The following DPP8 variants were observed in gnomAD, a reference collection of about 807,000 sequenced individuals.
DPP8 encodes the protein dipeptidyl peptidase 8.
Under a neutral mutation model 107.5 loss-of-function variants are expected in DPP8, and 31 were observed. The ratio of observed to expected loss-of-function variants is 0.29; its 90% confidence interval spans 0.22 to 0.39. The LOEUF (loss-of-function observed/expected upper bound fraction) is 0.39. Among genes scored for constraint, DPP8 ranks in the 10% least tolerant of loss-of-function variants. The probability of loss-of-function intolerance (pLI) is 1.00; values close to 1 mark genes in which losing one functional copy is unlikely to be tolerated. For synonymous variants in DPP8, 381 were observed against 356.6 expected, an observed-to-expected ratio of 1.07 and a Z score of -0.77; for missense variants, 842 against 1,076.1, an observed-to-expected ratio of 0.78 and a Z score of 3.04.
At chr15:65,512,014 T>C in intron 2 of DPP8, 1 of 561,776 alleles carries the variant, frequency 1.8e-6, no homozygotes, top group South Asian at 1.6e-5. Flanking sequence ...AATCAGACCA[T>C]CTAAAGAAAG....
chr15:65,504,379 A>C (rs578173499), intron 3 of DPP8, among the ~76,000 whole-genome samples: 1 of 149,080 alleles, frequency 6.7e-6, no homozygotes, highest in East Asian at 2.0e-4. Flanking sequence ...AAAAAAAAAA[A>C]ATTGTGGTAG....
intron 10 of DPP8, among the ~76,000 whole-genome samples, chr15:65,479,911 A>G (rs1454938619): frequency 6.6e-6 from 1 of 152,048 alleles, no homozygotes; most frequent in African/African-American, 2.4e-5. Context: ...ACCAACATAA[A>G]AGAGAAAGTC....
At chr15:65,485,064 T>C in intron 8 of DPP8, 35 bp downstream of exon 8, 3 of 1,533,782 alleles carry the variant, frequency 2.0e-6, no homozygotes, top group Non-Finnish European at 1.8e-6. Context: ...ATTAGTCAAA[T>C]GACGCAGAAG....
intron 5 of DPP8, among the ~76,000 whole-genome samples, chr15:65,494,738 G>A (rs1311838773): frequency 6.6e-6 from 1 of 151,314 alleles, no homozygotes; most frequent in African/African-American, 2.4e-5. Context: ...GCCATTGGTA[G>A]TAGAACAGCT....
rs1300118571 is a variant in DPP8 at position 65,477,134 on chromosome 15, T to C, written c.1456+1746A>G. Among the ~76,000 whole-genome samples the C allele has an allele frequency of 4.6e-5, 7 of 152,226 alleles. No homozygotes were observed. The Middle Eastern group carries it at 0.01, about 222-fold the overall frequency. On this transcript the variant is annotated intron_variant, in intron 11 of 19. Coordinates refer to ENST00000300141, the MANE Select transcript of DPP8 (RefSeq NM_130434.5). ...TGATGATTGCACAACAACATGAACATAATCAGCCGGGTGAGATGGCTCACG... is the reference window on the plus strand; with the variant it reads ...TGATGATTGCACAACAACATGAACACAATCAGCCGGGTGAGATGGCTCACG...
At chr15:65,487,074 G>A (rs940238182) in intron 7 of DPP8, among the ~76,000 whole-genome samples, 2 of 152,022 alleles carry the variant, frequency 1.3e-5, no homozygotes, top group Admixed American at 6.6e-5. Flanking sequence ...TTGAAATGCT[G>A]TAAGAAGCAA....
In DPP8 at chr15:65,474,300, T is replaced by C. The variant is rs2066186020; in HGVS notation, c.1457-12A>G. 1.3e-6 allele frequency: 2 copies of C among 1,543,006 alleles called. No individual in the cohort carries two copies. Among genetic ancestry groups the C allele is most frequent in the Non-Finnish European group, 1.8e-6 (2 of 1,115,630 alleles). ...ACACTTGAAATCACCTGAAGATAAA[T>C]ATAATTATAATTCAGTACATTATAC... On this transcript the variant is annotated splice_polypyrimidine_tract_variant and intron_variant, in intron 11 of 19. Transcript: ENST00000300141.
At chr15:65,451,903 T>TG in intron 18 of DPP8, 57 bp downstream of exon 18, 1 of 1,478,670 alleles carries the variant, frequency 6.8e-7, no homozygotes, top group African/African-American at 1.5e-5. Flanking sequence ...CCAGCCTAAG[T>TG]GACAGAGTGA....
chr15:65,473,892 AG>A (rs2066139656), intron 12 of DPP8, among the ~76,000 whole-genome samples: 1 of 152,136 alleles, frequency 6.6e-6, no homozygotes, highest in Non-Finnish European at 1.5e-5. Context: ...TCACAAGGTC[AG>A]GAGTTTGAGA....
Position 65,466,687 on chromosome 15 carries a change from C to A in DPP8, c.1816G>T (p.Asp606Tyr). ...GGGGAAAAAAGAATACCTGCTGAATCCAAAATGGTGGCCCAAAATTCCTTT... is the reference window on the plus strand; with the variant it reads ...GGGGAAAAAAGAATACCTGCTGAATACAAAATGGTGGCCCAAAATTCCTTT... ...KTKEFWATIL[D>Y]SAGPLPDYTP... The change falls in exon 14 of 20, where the codon GAT becomes TAT. Residue 606 changes from aspartate to tyrosine, a missense_variant. Around this residue, in one of 2 missense-constraint regions of DPP8, gnomAD observed 663 missense variants for 758.0 expected, o/e 0.87. Transcript: ENST00000300141. 1 of 1,614,022 alleles carries A rather than the reference C, an allele frequency of 6.2e-7. No homozygotes were observed. Among genetic ancestry groups the A allele is most frequent in the Non-Finnish European group, 8.5e-7 (1 of 1,179,978 alleles).
chr15:65,450,714 G>C (rs2063913825), intron 19 of DPP8: 1 of 234,218 alleles, frequency 4.3e-6, no homozygotes, highest in Non-Finnish European at 8.1e-6. Flanking sequence ...GAAAAGCAAA[G>C]GATAACAGTG....
chr15:65,483,311 G>T (rs1349759871), intron 8 of DPP8, among the ~76,000 whole-genome samples: 11 of 151,884 alleles, frequency 7.2e-5, no homozygotes, highest in Non-Finnish European at 1.6e-4. Context: ...GATCACTTGG[G>T]CCCAGGAGTG....
At chr15:65,467,025 G>A in intron 13 of DPP8, 46 bp downstream of exon 13, 1 of 1,604,142 alleles carries the variant, frequency 6.2e-7, no homozygotes. Context: ...TACATAAGCA[G>A]AGAGTTTTAA....
intron 12 of DPP8, among the ~76,000 whole-genome samples, chr15:65,468,815 C>T (rs2065589945): frequency 6.6e-6 from 1 of 152,114 alleles, no homozygotes; most frequent in African/African-American, 2.4e-5. Context: ...AAAAAATAAC[C>T]AGTCAATTCC....
chr15:65,448,886 AT>A (rs1567125603), intron 19 of DPP8, among the ~76,000 whole-genome samples: 779 of 53,374 alleles, frequency 0.015, 92 homozygotes, highest in African/African-American at 0.032. Flanking sequence ...ATATATATAT[AT>A]ATATATATAT....
chr15:65,500,919 C>A, intron 3 of DPP8, 140 bp from the exon 4 acceptor site: 1 of 662,656 alleles, frequency 1.5e-6, no homozygotes, highest in Non-Finnish European at 2.4e-6. Context: ...ACTCTGTCAC[C>A]CAGGCTGGAG....
Position 65,456,202 on chromosome 15 carries a change from A to C in DPP8, c.2118+23T>G, listed in dbSNP as rs374730963. 80 of 1,598,490 alleles carry C rather than the reference A, an allele frequency of 5.0e-5. No individual in the cohort carries two copies. The African/African-American group carries it at 9.5e-4, about 19-fold the overall frequency. On this transcript the variant is annotated intron_variant, in intron 16 of 19. Coordinates refer to ENST00000300141, the MANE Select transcript of DPP8 (RefSeq NM_130434.5). Reference sequence around the variant, plus strand: ...CAGAAAATGTAAATGTCTGTAAAAGAAAAGTGTTTTATGCTCACACACCAT... The same window carrying C: ...CAGAAAATGTAAATGTCTGTAAAAGCAAAGTGTTTTATGCTCACACACCAT...
At chr15:65,472,461 TTTTTTTA>T (rs892920049) in intron 12 of DPP8, among the ~76,000 whole-genome samples, 17 of 152,110 alleles carry the variant, frequency 1.1e-4, no homozygotes, top group Admixed American at 8.5e-4. Context: ...GCCCAGCTAA[TTTTTTTA>T]TTTTTTATTT....
At chr15:65,472,347 C>A (rs1444627677) in intron 12 of DPP8, among the ~76,000 whole-genome samples, 1 of 152,020 alleles carries the variant, frequency 6.6e-6, no homozygotes, top group African/African-American at 2.4e-5. Flanking sequence ...GGCTGTAGTG[C>A]AGTGATGTGA....
Sources: gnomAD v4.1 joint callset for allele counts (sites outside exome capture counted in the v4.1 genomes callset) on GRCh38, gnomAD v4.1.1 for gene constraint, gnomAD v4.1.1 regional missense constraint, MANE v1.5 for transcripts, NCBI Gene and HGNC (gene_info 2026-07-23, HGNC 2026-07-21) for gene names.